The following ZNRF3 variants were observed in gnomAD, a reference collection of about 807,000 sequenced individuals.
ZNRF3 encodes the protein zinc and ring finger 3.
Under a neutral mutation model 72.5 loss-of-function variants are expected in ZNRF3, and 23 were observed. The observed-to-expected ratio is 0.32, with a 90% CI of 0.23 to 0.45. The LOEUF (loss-of-function observed/expected upper bound fraction) is 0.45. Among genes scored for constraint, ZNRF3 ranks in the 20% least tolerant of loss-of-function variants. The pLI is 1.00. For synonymous variants in ZNRF3, 610 were observed against 545.3 expected (o/e 1.12, Z -1.65); for missense variants, 1,169 against 1,272.1 (o/e 0.92, Z 1.23).
In ZNRF3 at chr22:28,994,176, C is replaced by CTTTTTTTTTT. The variant is rs57329565; in HGVS notation, c.426+6993_426+7002dup. The stretch of plus-strand genomic sequence containing the variant: ...TCCTTTATTGTCCTTCAGTTCCTTT[C>CTTTTTTTTTT]TTTTTTTTTTTTTTTTTTTTTTTTT... On this transcript the variant is annotated intron_variant, in intron 2 of 8. Transcript: ENST00000544604. 4.6e-3 allele frequency among the ~76,000 whole-genome samples: 184 copies of CTTTTTTTTTT among 39,804 alleles called. 29 individuals are homozygous for CTTTTTTTTTT. Among genetic ancestry groups the CTTTTTTTTTT allele is most frequent in the African/African-American group, 0.016 (144 of 8,972 alleles). 26.1% of individuals were successfully genotyped at this position (39,804 alleles called of 152,430 possible). A position where few individuals can be genotyped will look rare whatever the true frequency, so the allele number is the denominator to read the frequency against.
At chr22:28,925,667 T>C (rs980739589) in intron 1 of ZNRF3, among the ~76,000 whole-genome samples, 5 of 152,160 alleles carry the variant, frequency 3.3e-5, no homozygotes, top group Middle Eastern at 3.2e-3. Context: ...CTGTATTTGC[T>C]TTCTTACATT....
intron 1 of ZNRF3, among the ~76,000 whole-genome samples, chr22:28,914,349 G>A (rs544149117): frequency 6.6e-6 from 1 of 152,170 alleles, no homozygotes; most frequent in African/African-American, 2.4e-5. Flanking sequence ...AATAGGCTCT[G>A]CTGACTCTAG....
chr22:28,940,205 T>C (rs1425402701), intron 1 of ZNRF3, among the ~76,000 whole-genome samples: 1 of 152,190 alleles, frequency 6.6e-6, no homozygotes, highest in African/African-American at 2.4e-5. Flanking sequence ...CCAGTGAAAT[T>C]GGAATAATAC....
rs538916084 is a variant in ZNRF3, at chr22:28,909,686, T to A, written c.300+25620T>A. ...GCCTCCACCACCCAGGCTCAAGGGA[T>A]CCTCCTGCCTCAGCCTCCTGAGTAG... is the stretch of plus-strand genomic sequence containing the variant. On this transcript the variant is annotated intron_variant, in intron 1 of 8. Transcript: ENST00000544604. Among the ~76,000 whole-genome samples, 118 of 151,090 alleles carry A rather than the reference T, an allele frequency of 7.8e-4. 1 individual carries two copies. In the South Asian group the frequency reaches 0.02, roughly 26 times the overall value.
At chr22:29,052,912 G>A (rs995365791) in intron 8 of ZNRF3, among the ~76,000 whole-genome samples, 1 of 152,156 alleles carries the variant, frequency 6.6e-6, no homozygotes, top group East Asian at 1.9e-4. Flanking sequence ...GATTGAGGCT[G>A]TAGTCATGAT....
At chr22:29,052,193 A>G (rs933879324) in intron 8 of ZNRF3, among the ~76,000 whole-genome samples, 9 of 152,116 alleles carry the variant, frequency 5.9e-5, no homozygotes, top group African/African-American at 2.2e-4. Context: ...TACATCCCAA[A>G]TGTATCTACT....
intron 5 of ZNRF3, among the ~76,000 whole-genome samples, chr22:29,046,173 A>G (rs1296217500): frequency 6.6e-6 from 1 of 152,150 alleles, no homozygotes; most frequent in Non-Finnish European, 1.5e-5. Flanking sequence ...TGGACCCCCA[A>G]ATGTATGGCA....
rs141024772 is a variant in ZNRF3, at chr22:29,048,837, C to T, written c.1015+346C>T. Reference sequence around the variant, plus strand: ...GGGGTGTTCCTAGGACCACGAGAGACGATGAGTGTGCAGAGGCCAGCTTGG... The same window carrying T: ...GGGGTGTTCCTAGGACCACGAGAGATGATGAGTGTGCAGAGGCCAGCTTGG... On this transcript the variant is annotated intron_variant, in intron 7 of 8. Transcript: ENST00000544604. This position sits in a 1 kb window ranked among gnomAD's most constrained non-coding sequence, Gnocchi z 4.9. Among the ~76,000 whole-genome samples the T allele has an allele frequency of 4.1e-3, 629 of 152,298 alleles. 14 individuals are homozygous for T. Among genetic ancestry groups the T allele is most frequent in the Admixed American group, 0.035 (540 of 15,302 alleles).
intron 1 of ZNRF3, among the ~76,000 whole-genome samples, chr22:28,911,147 G>A (rs1382097723): frequency 6.6e-6 from 1 of 152,152 alleles, no homozygotes; most frequent in Non-Finnish European, 1.5e-5. Context: ...CTGCAGCTGT[G>A]CCTCTGAAGG....
intron 1 of ZNRF3, among the ~76,000 whole-genome samples, chr22:28,964,020 A>G (rs2035413245): frequency 6.6e-6 from 1 of 152,152 alleles, no homozygotes; most frequent in African/African-American, 2.4e-5. Context: ...ACCCACCTAC[A>G]TTCTAGTGCA....
At chr22:29,044,672 A>G in intron 4 of ZNRF3, 108 bp from the exon 5 acceptor site, 1 of 763,742 alleles carries the variant, frequency 1.3e-6, no homozygotes, top group South Asian at 1.5e-5. Flanking sequence ...TTGAGGGGAA[A>G]CTCATCCCGG....
rs540422641 is a variant in ZNRF3 at position 28,930,818 on chromosome 22, G to A, written c.300+46752G>A. On this transcript the variant is annotated intron_variant, in intron 1 of 8. Transcript: ENST00000544604. ...TTAGGTCAGAAGAGGAATGGAGGGG[G>A]CCTTGCTCAATGCAAATTTATACCC... Among the ~76,000 whole-genome samples the A allele has an allele frequency of 3.3e-5, 5 of 152,312 alleles. No homozygotes were observed. In the South Asian group the frequency reaches 1.0e-3, roughly 32 times the overall value.
intron 2 of ZNRF3, among the ~76,000 whole-genome samples, chr22:28,997,687 G>T (rs1007020129): frequency 6.6e-6 from 1 of 151,912 alleles, no homozygotes; most frequent in African/African-American, 2.4e-5. Context: ...TCTCCATACC[G>T]CCTCTGTAAA....
chr22:28,901,431 T>A (rs2034101909), intron 1 of ZNRF3, among the ~76,000 whole-genome samples: 1 of 152,204 alleles, frequency 6.6e-6, no homozygotes, highest in African/African-American at 2.4e-5. Flanking sequence ...TTCTGATTTC[T>A]GTAGTCCTAG....
chr22:29,002,185 C>G (rs1424117677), intron 2 of ZNRF3, among the ~76,000 whole-genome samples: 1 of 152,168 alleles, frequency 6.6e-6, no homozygotes, highest in Non-Finnish European at 1.5e-5. Flanking sequence ...AGCAGAGTGG[C>G]TGGTTAAAAA....
In ZNRF3 at chr22:29,034,273, A is replaced by G. The variant is rs185264182; in HGVS notation, c.427-8222A>G. ...CCCTCTTCAGTAGTTGTCAGATGGA[A>G]CTGTATACTCGAATGTTTCCATACT... On this transcript the variant is annotated intron_variant, in intron 2 of 8. Transcript: ENST00000544604. Among the ~76,000 whole-genome samples the G allele has an allele frequency of 6.3e-4, 96 of 152,296 alleles. No homozygotes were observed. In the East Asian group the frequency reaches 8.5e-3, roughly 13 times the overall value.
At position 28,884,080 on chromosome 22, in the gene ZNRF3, GC is replaced by G; in HGVS notation, c.300+17del. 1.7e-6 allele frequency: 2 copies of G among 1,187,958 alleles called. No homozygotes were observed. The highest frequency in any genetic ancestry group is 1.8e-5 in the South Asian group (1 of 54,316). 73.6% of individuals were successfully genotyped at this position (1,187,958 alleles called of 1,614,324 possible). A position where few individuals can be genotyped will look rare whatever the true frequency, so the allele number is the denominator to read the frequency against. On this transcript the variant is annotated intron_variant, in intron 1 of 8. Transcript: ENST00000544604. ...GAGATCGTGCAGGTAGCTGCCCGCC[GC>G]CCGGGCCCCGCGCCGCCTCCGCCAC...
At chr22:28,905,634 T>G (rs934932954) in intron 1 of ZNRF3, among the ~76,000 whole-genome samples, 3 of 152,208 alleles carry the variant, frequency 2.0e-5, no homozygotes, top group African/African-American at 7.2e-5. Context: ...TCCAAATTAC[T>G]GAATTCTCAG....
intron 1 of ZNRF3, among the ~76,000 whole-genome samples, chr22:28,963,563 G>A (rs1251520717): frequency 6.6e-6 from 1 of 152,142 alleles, no homozygotes; most frequent in African/African-American, 2.4e-5. Flanking sequence ...AGTGGCATAA[G>A]GGCCCCATTC....
Sources: gnomAD v4.1 joint callset for allele counts (sites outside exome capture counted in the v4.1 genomes callset) on GRCh38, gnomAD v4.1.1 for gene constraint, Gnocchi (gnomAD v3.1) non-coding constraint, MANE v1.5 for transcripts, NCBI Gene and HGNC (gene_info 2026-07-23, HGNC 2026-07-21) for gene names.